N4BP2L1: variants seen among roughly 807,000 people sequenced by gnomAD.
N4BP2L1 encodes NEDD4-binding protein 2-like 1.
In N4BP2L1, 12 loss-of-function variants were observed where a neutral mutation model predicts 21.2. That is an observed-to-expected ratio of 0.57 (90% CI 0.36 to 0.92). The LOEUF is 0.92. N4BP2L1 is among the 40% of genes least tolerant of loss of function. N4BP2L1 has a pLI of 0.01. For synonymous variants in N4BP2L1, 104 were observed against 112.8 expected (o/e 0.92, Z 0.49); for missense variants, 259 against 310.6 (o/e 0.83, Z 1.25).
chr13:32,425,116 T>C (rs2074690057), intron 1 of N4BP2L1: 1 of 152,220 alleles, frequency 6.6e-6, no homozygotes, highest in Admixed American at 6.5e-5. Flanking sequence ...TTTCCCAGAA[T>C]CCAACAACAC....
At chr13:32,423,713 G>A (rs567840608) in intron 1 of N4BP2L1, among the ~76,000 whole-genome samples, 6 of 152,208 alleles carry the variant, frequency 3.9e-5, no homozygotes, top group Non-Finnish European at 8.8e-5. Context: ...CCACTTACAT[G>A]AAGCATGTAA....
intron 4 of N4BP2L1, 38 bp downstream of exon 4, chr13:32,404,283 A>G (rs2073337247): frequency 1.3e-5 from 20 of 1,588,206 alleles, no homozygotes; most frequent in Non-Finnish European, 1.6e-5. Context: ...TGAAAATAGC[A>G]GGATACATAA....
chr13:32,403,967 A>G (rs773977101), intron 4 of N4BP2L1, among the ~76,000 whole-genome samples: 3 of 152,232 alleles, frequency 2.0e-5, no homozygotes, highest in Non-Finnish European at 4.4e-5. Context: ...AGACTGCTCA[A>G]CCTCTAAAGA....
chr13:32,407,333 T>G lies in N4BP2L1; in HGVS notation c.313A>C (p.Lys105Gln). Reference sequence around the variant, plus strand: ...GGGGATATGCCATTCCTCATTGCTTTTCTTGCTGCAACACAATGTTACATA... The same window carrying G: ...GGGGATATGCCATTCCTCATTGCTTGTCTTGCTGCAACACAATGTTACATA... ...AHEWNQKRAR[K>Q]AMRNGISPII... The change falls in exon 3 of 5, where the codon AAA becomes CAA. Residue 105 changes from lysine (K) to glutamine (Q), a missense_variant. Coordinates refer to ENST00000380130, the MANE Select transcript of N4BP2L1 (RefSeq NM_052818.3). 1.2e-6 allele frequency: 2 copies of G among 1,614,174 alleles called. No homozygotes were observed. Among genetic ancestry groups the G allele is most frequent in the Non-Finnish European group, 1.7e-6 (2 of 1,180,024 alleles).
intron 1 of N4BP2L1, among the ~76,000 whole-genome samples, chr13:32,410,212 G>A (rs1258130599): frequency 1.3e-5 from 2 of 152,246 alleles, no homozygotes; most frequent in African/African-American, 4.8e-5. Flanking sequence ...GTGGGGCTGG[G>A]CGGAGTGCCC....
chr13:32,402,981 G>C lies in N4BP2L1; in HGVS notation c.693C>G (p.Ser231Arg). The change falls in exon 5 of 5, where the codon AGC (serine) becomes AGG (arginine). Residue 231 changes from serine to arginine, a missense_variant. By Grantham distance (110) the Ser-to-Arg change is moderately radical. Coordinates refer to ENST00000380130, the MANE Select transcript of N4BP2L1 (RefSeq NM_052818.3). ...GACAACCGCCCCTTCTGTGATAGGA[G>C]CTCTCATTTGTAAATCCACCGTGGG... ...RRAHGGFTNESSYHRRGGCHH... is the reference protein window; with the variant it reads ...RRAHGGFTNERSYHRRGGCHH... 1 of 1,613,636 alleles carries C rather than the reference G, an allele frequency of 6.2e-7. No individual in the cohort carries two copies. Among genetic ancestry groups the C allele is most frequent in the Admixed American group, 1.7e-5 (1 of 59,974 alleles).
At chr13:32,405,241 G>A (rs1405263257) in intron 3 of N4BP2L1, among the ~76,000 whole-genome samples, 2 of 152,168 alleles carry the variant, frequency 1.3e-5, no homozygotes, top group Non-Finnish European at 2.9e-5. Context: ...CGGGCGCGGT[G>A]GCTCACACCT....
chr13:32,403,788 A>C, intron 4 of N4BP2L1: 1 of 529,054 alleles, frequency 1.9e-6, no homozygotes, highest in South Asian at 1.4e-5. Flanking sequence ...AACCAGCCTT[A>C]CTCCTAAGAA....
chr13:32,420,187 G>C (rs141351283), intron 1 of N4BP2L1, among the ~76,000 whole-genome samples: 1 of 152,348 alleles, frequency 6.6e-6, no homozygotes, highest in East Asian at 1.9e-4. Context: ...CCAAAGCCAG[G>C]CTCCCAGAGA....
At chr13:32,403,955 G>A (rs993971287) in intron 4 of N4BP2L1, among the ~76,000 whole-genome samples, 6 of 152,006 alleles carry the variant, frequency 3.9e-5, no homozygotes, top group African/African-American at 7.3e-5. Flanking sequence ...TAAATGAATC[G>A]CAGACTGCTC....
intron 1 of N4BP2L1, among the ~76,000 whole-genome samples, chr13:32,414,819 C>A (rs1245551197): frequency 2.0e-5 from 3 of 152,264 alleles, no homozygotes; most frequent in Admixed American, 6.5e-5. Flanking sequence ...GCATGTGGGG[C>A]TGCCAGAACC....
chr13:32,410,035 A>G lies in N4BP2L1; in HGVS notation c.180-2263T>C, dbSNP rs9595468. Among the ~76,000 whole-genome samples the G allele has an allele frequency of 7.0e-3, 1,065 of 152,356 alleles. 12 individuals are homozygous for G. Among genetic ancestry groups the G allele is most frequent in the African/African-American group, 0.025 (1,024 of 41,580 alleles). On this transcript the variant is annotated intron_variant, in intron 1 of 4. Transcript: ENST00000380130. ...CGGAGACATGCGGAGTGTTTCAGGC[A>G]GAATAGAAAATAAAAGGGATAAGGT...
At chr13:32,418,690 C>T (rs920256028) in intron 1 of N4BP2L1, among the ~76,000 whole-genome samples, 5 of 152,220 alleles carry the variant, frequency 3.3e-5, no homozygotes, top group Admixed American at 2.6e-4. Flanking sequence ...CCTTGCAAAG[C>T]CACAGGGGTG....
At chr13:32,413,949 T>C (rs1412372154) in intron 1 of N4BP2L1, among the ~76,000 whole-genome samples, 1 of 143,004 alleles carries the variant, frequency 7.0e-6, no homozygotes, top group East Asian at 2.2e-4. Flanking sequence ...TGGCGCGATC[T>C]CAGCTCACTC....
At chr13:32,408,608 T>C (rs1460650302) in intron 1 of N4BP2L1, among the ~76,000 whole-genome samples, 1 of 152,210 alleles carries the variant, frequency 6.6e-6, no homozygotes, top group Non-Finnish European at 1.5e-5. Flanking sequence ...GATGTCATGC[T>C]CCGCAAGAAC....
chr13:32,423,196 C>A (rs550530177), intron 1 of N4BP2L1, among the ~76,000 whole-genome samples: 10 of 152,316 alleles, frequency 6.6e-5, no homozygotes, highest in African/African-American at 2.4e-4. Flanking sequence ...CATCCTTTCA[C>A]TTCTGTGCAA....
intron 3 of N4BP2L1, among the ~76,000 whole-genome samples, 166 bp from the exon 4 acceptor site, chr13:32,404,563 AC>A (rs1445256320): frequency 6.6e-6 from 1 of 150,640 alleles, no homozygotes; most frequent in Non-Finnish European, 1.5e-5. Context: ...TCATTCCCAT[AC>A]TTAGCCACTC....
chr13:32,402,958 C>T lies in N4BP2L1; in HGVS notation c.716G>A (p.Cys239Tyr), dbSNP rs774775326. The change falls in exon 5 of 5, where the codon TGT (cysteine) becomes TAT (tyrosine). Residue 239 changes from cysteine to tyrosine, a missense_variant. Transcript: ENST00000380130. ...GATAGGCCTCTAATATCCATGGTGA[C>T]AACCGCCCCTTCTGTGATAGGAGCT... The part of the protein sequence containing the change: ...NESSYHRRGG[C>Y]HHGY The T allele has an allele frequency of 6.2e-7, 1 of 1,607,628 alleles. No individual in the cohort carries two copies. The highest frequency in any genetic ancestry group is 8.5e-7 in the Non-Finnish European group (1 of 1,175,582).
At chr13:32,419,239 CTTTTTTT>C (rs34280009) in intron 1 of N4BP2L1, among the ~76,000 whole-genome samples, 3 of 61,304 alleles carry the variant, frequency 4.9e-5, no homozygotes, top group African/African-American at 7.7e-5. Flanking sequence ...CAAGATCTGG[CTTTTTTT>C]TTTTTTTTTT....
Sources: gnomAD v4.1 joint callset for allele counts (sites outside exome capture counted in the v4.1 genomes callset) on GRCh38, gnomAD v4.1.1 for gene constraint, MANE v1.5 for transcripts, NCBI Gene and HGNC (gene_info 2026-07-23, HGNC 2026-07-21) for gene names.